The following SDK1 variants were observed in gnomAD, a reference collection of about 807,000 sequenced individuals.
The protein encoded by SDK1 is protein sidekick-1.
SDK1 carries 157 observed loss-of-function variants against 245.5 expected under a neutral mutation model. The observed-to-expected ratio is 0.64, with a 90% CI of 0.56 to 0.73. SDK1 has a LOEUF of 0.73. SDK1 is among the 30% of genes least tolerant of loss of function. SDK1 has a pLI of 0.00. For missense variants in SDK1, 3,583 were observed against 3,002.3 expected, an observed-to-expected ratio of 1.19 and a Z score of -4.52; for synonymous variants, 1,647 against 1,278.5, an observed-to-expected ratio of 1.29 and a Z score of -6.15.
intron 4 of SDK1, among the ~76,000 whole-genome samples, chr7:3,760,136 A>G (rs1349153155): frequency 1.3e-5 from 2 of 152,096 alleles, no homozygotes; most frequent in African/African-American, 4.8e-5. Context: ...ATAAATAAAG[A>G]GATGTCTTTT....
chr7:4,162,794 G>C (rs571389795), intron 32 of SDK1, among the ~76,000 whole-genome samples: 4 of 152,306 alleles, frequency 2.6e-5, no homozygotes, highest in African/African-American at 9.6e-5. Context: ...GCTCAGCAAT[G>C]CTCCAGTAAG....
intron 4 of SDK1, among the ~76,000 whole-genome samples, chr7:3,725,632 A>G (rs1778984646): frequency 6.6e-6 from 1 of 152,184 alleles, no homozygotes; most frequent in African/African-American, 2.4e-5. Context: ...AGCCCCAAGA[A>G]CAGGGAGGCT....
chr7:3,809,954 C>G (rs553109957), intron 4 of SDK1, among the ~76,000 whole-genome samples: 23 of 152,324 alleles, frequency 1.5e-4, no homozygotes, highest in African/African-American at 5.1e-4. Flanking sequence ...TCTGCAGAGG[C>G]TGCAGGTGCG....
intron 22 of SDK1, among the ~76,000 whole-genome samples, chr7:4,090,928 G>A (rs1314663008): frequency 1.3e-5 from 2 of 152,074 alleles, no homozygotes; most frequent in Non-Finnish European, 2.9e-5. Context: ...CCCTTCTCTG[G>A]CTCCCAGTAT....
At chr7:3,498,175 G>A (rs1299191932) in intron 1 of SDK1, among the ~76,000 whole-genome samples, 11 of 152,154 alleles carry the variant, frequency 7.2e-5, no homozygotes. Context: ...TTTCTGTGTG[G>A]GGTTTTGGGG....
At chr7:4,071,528 T>C (rs1458982254) in intron 20 of SDK1, among the ~76,000 whole-genome samples, 1 of 152,186 alleles carries the variant, frequency 6.6e-6, no homozygotes, top group Non-Finnish European at 1.5e-5. Context: ...GGGCCTCCTG[T>C]TGCCTGGAGT....
intron 14 of SDK1, among the ~76,000 whole-genome samples, chr7:4,007,961 T>C (rs1583811529): frequency 1.3e-5 from 2 of 152,172 alleles, no homozygotes; most frequent in Non-Finnish European, 2.9e-5. Flanking sequence ...CACGGCTCAG[T>C]GGCATTAAAC....
intron 1 of SDK1, among the ~76,000 whole-genome samples, chr7:3,456,105 A>G (rs960393092): frequency 2.0e-5 from 3 of 152,110 alleles, no homozygotes; most frequent in Non-Finnish European, 2.9e-5. Context: ...TATTATTTGA[A>G]TTGTTATTCC....
intron 1 of SDK1, among the ~76,000 whole-genome samples, chr7:3,600,535 T>G (rs1453836841): frequency 6.0e-5 from 9 of 149,982 alleles, no homozygotes; most frequent in African/African-American, 2.0e-4. Flanking sequence ...CTGTGTTAAG[T>G]GTGATATTAG....
At chr7:3,760,718 A>T (rs1176197012) in intron 4 of SDK1, among the ~76,000 whole-genome samples, 2 of 152,214 alleles carry the variant, frequency 1.3e-5, no homozygotes, top group African/African-American at 4.8e-5. Flanking sequence ...TTGGGATGAT[A>T]ACCGGCTCCT....
intron 4 of SDK1, among the ~76,000 whole-genome samples, chr7:3,802,289 C>T (rs536971155): frequency 2.6e-5 from 4 of 152,032 alleles, no homozygotes; most frequent in South Asian, 4.2e-4. Context: ...TTTGGGAGGC[C>T]GAGGCAGGAG....
intron 4 of SDK1, among the ~76,000 whole-genome samples, chr7:3,791,978 A>T (rs1290878787): frequency 6.6e-6 from 1 of 151,892 alleles, no homozygotes; most frequent in Non-Finnish European, 1.5e-5. Flanking sequence ...GCAAAAAAAA[A>T]TTAGCCAGAT....
intron 35 of SDK1, among the ~76,000 whole-genome samples, chr7:4,197,227 G>A (rs989172400): frequency 6.6e-6 from 1 of 152,154 alleles, no homozygotes; most frequent in African/African-American, 2.4e-5. Context: ...ACTTTGGGAG[G>A]CCGAGGTGGG....
chr7:3,348,679 AC>A (rs1019370972), intron 1 of SDK1, among the ~76,000 whole-genome samples: 10 of 152,070 alleles, frequency 6.6e-5, no homozygotes, highest in African/African-American at 2.4e-4. Flanking sequence ...CTGTGTATGT[AC>A]CCCCAAATCT....
chr7:3,583,715 C>A (rs556796089), intron 1 of SDK1, among the ~76,000 whole-genome samples: 2 of 152,250 alleles, frequency 1.3e-5, no homozygotes, highest in East Asian at 3.9e-4. Context: ...CCCTGAGAGG[C>A]ATGGCATGCC....
At chr7:3,584,018 C>A (rs73037677) in intron 1 of SDK1, among the ~76,000 whole-genome samples, 1 of 152,110 alleles carries the variant, frequency 6.6e-6, no homozygotes, top group Non-Finnish European at 1.5e-5. Context: ...TGGGAGGGAA[C>A]GGAATGCCAA....
chr7:4,080,078 G>A (rs542418879), intron 22 of SDK1, among the ~76,000 whole-genome samples: 2 of 152,162 alleles, frequency 1.3e-5, no homozygotes, highest in Non-Finnish European at 2.9e-5. Flanking sequence ...GAAAAGTGCT[G>A]TCTGGGAAAG....
chr7:4,163,090 A>G (rs1053330476), intron 32 of SDK1, among the ~76,000 whole-genome samples: 2 of 152,174 alleles, frequency 1.3e-5, no homozygotes, highest in African/African-American at 2.4e-5. Flanking sequence ...GCCAAGCACG[A>G]GGGCAGAGTC....
intron 1 of SDK1, among the ~76,000 whole-genome samples, chr7:3,322,635 C>T (rs1170039655): frequency 6.6e-6 from 1 of 152,180 alleles, no homozygotes; most frequent in Non-Finnish European, 1.5e-5. Context: ...CCTACACTTA[C>T]TTTCCTTTTT....
Sources: allele counts gnomAD v4.1 joint callset (sites outside exome capture counted in the v4.1 genomes callset), GRCh38; gene constraint gnomAD v4.1.1; transcripts MANE v1.5; gene names NCBI Gene and HGNC (gene_info 2026-07-23, HGNC 2026-07-21).